MYRIP: variants seen among roughly 807,000 people sequenced by gnomAD.
The protein encoded by MYRIP is myosin VIIA and Rab interacting protein.
MYRIP carries 49 observed loss-of-function variants against 98.0 expected under a neutral mutation model. The ratio of observed to expected loss-of-function variants is 0.50; its 90% CI spans 0.40 to 0.63. The LOEUF is 0.63. Among genes scored for constraint, MYRIP ranks in the 30% least tolerant of loss-of-function variants. The pLI is 0.00. For synonymous variants in MYRIP, 404 were observed against 409.5 expected (o/e 0.99, Z 0.16); for missense variants, 1,004 against 1,058.2 (o/e 0.95, Z 0.71).
chr3:39,827,547 G>A (rs557789784), intron 1 of MYRIP, among the ~76,000 whole-genome samples: 2 of 152,090 alleles, frequency 1.3e-5, no homozygotes, highest in Non-Finnish European at 2.9e-5. Context: ...TGATTGTTTT[G>A]TATATCTTTT....
At chr3:39,977,684 T>C (rs1336004968) in intron 2 of MYRIP, among the ~76,000 whole-genome samples, 2 of 152,118 alleles carry the variant, frequency 1.3e-5, no homozygotes, top group Admixed American at 6.6e-5. Context: ...GGAGCAAATA[T>C]AGAGAGTCAA....
At chr3:40,174,635 TG>T (rs1231969921) in intron 8 of MYRIP, 7 of 152,154 alleles carry the variant, frequency 4.6e-5, no homozygotes, top group Non-Finnish European at 8.8e-5. Flanking sequence ...AGTACAGGTC[TG>T]TGGCTGATTG....
chr3:39,812,197 C>G (rs115972497), intron 1 of MYRIP, among the ~76,000 whole-genome samples: 3,048 of 152,300 alleles, frequency 0.02, 35 homozygotes, highest in Middle Eastern at 0.051. Context: ...TTACCCCTAC[C>G]TACAGGCACT....
Position 40,190,348 on chromosome 3 carries a change from C to T in MYRIP, c.1550C>T (p.Pro517Leu), listed in dbSNP as rs780527214. ...GACAGCAGCGAGCCGGAGGAGGCCC[C>T]CCACACCACAGACCGGCGGGCCAGG... Reference protein sequence around the residue: ...TSDSSEPEEAPHTTDRRARRW... With the variant: ...TSDSSEPEEALHTTDRRARRW... Residue 517 changes from proline to leucine, a missense_variant, in exon 10 of 17, where the codon CCC (proline) becomes CTC (leucine). By Grantham distance (98) the Pro-to-Leu change is moderately conservative. Coordinates refer to ENST00000302541, the MANE Select transcript of MYRIP (RefSeq NM_015460.4). The T allele has an allele frequency of 4.3e-6, 7 of 1,613,836 alleles. No individual in the cohort carries two copies. In the Admixed American group the frequency reaches 1.2e-4, roughly 27 times the overall value.
chr3:40,174,532 A>G (rs1950704759), intron 8 of MYRIP: 1 of 152,206 alleles, frequency 6.6e-6, no homozygotes, highest in Non-Finnish European at 1.5e-5. Flanking sequence ...CCCTTTGAGA[A>G]GCTGCTATTA....
At chr3:39,889,136 C>G (rs1302767166) in intron 1 of MYRIP, among the ~76,000 whole-genome samples, 1 of 152,126 alleles carries the variant, frequency 6.6e-6, no homozygotes, top group Non-Finnish European at 1.5e-5. Context: ...CCTCAGGGAT[C>G]TAGAACTAGA....
chr3:40,104,777 G>T (rs1005244158), intron 3 of MYRIP, among the ~76,000 whole-genome samples: 3 of 152,266 alleles, frequency 2.0e-5, no homozygotes, highest in Admixed American at 6.5e-5. Flanking sequence ...TATAATATTA[G>T]CTTCTAAACT....
chr3:40,185,407 C>T (rs1174501262), intron 9 of MYRIP, among the ~76,000 whole-genome samples: 3 of 152,118 alleles, frequency 2.0e-5, no homozygotes, highest in Admixed American at 1.3e-4. Context: ...TGGGATCACT[C>T]AGTGAGAGTT....
At chr3:40,211,350 G>A (rs538092846) in intron 11 of MYRIP, among the ~76,000 whole-genome samples, 50 of 152,286 alleles carry the variant, frequency 3.3e-4, no homozygotes, top group Middle Eastern at 3.4e-3. Context: ...CCCAGCAGCC[G>A]AGCTGGGGTC....
At chr3:40,039,587 G>A (rs1224577098) in intron 2 of MYRIP, among the ~76,000 whole-genome samples, 1 of 152,088 alleles carries the variant, frequency 6.6e-6, no homozygotes. Context: ...AGATCCAGGA[G>A]TGAGTGGAAA....
chr3:40,110,573 C>T (rs746317968), intron 3 of MYRIP, among the ~76,000 whole-genome samples: 4 of 152,144 alleles, frequency 2.6e-5, no homozygotes, highest in Non-Finnish European at 5.9e-5. Flanking sequence ...GAAGCCCTTG[C>T]GTACCTGGGG....
intron 9 of MYRIP, among the ~76,000 whole-genome samples, chr3:40,182,676 A>G (rs1320418446): frequency 6.6e-6 from 1 of 152,194 alleles, no homozygotes; most frequent in African/African-American, 2.4e-5. Flanking sequence ...AAGTGTGTTC[A>G]CATCACTCCA....
At chr3:40,062,434 T>G (rs567364375) in intron 3 of MYRIP, among the ~76,000 whole-genome samples, 1 of 152,298 alleles carries the variant, frequency 6.6e-6, no homozygotes, top group East Asian at 1.9e-4. Context: ...CTGAAAGCCC[T>G]ACTTATTATT....
chr3:39,938,274 T>G (rs1476631964), intron 2 of MYRIP, among the ~76,000 whole-genome samples: 1 of 152,200 alleles, frequency 6.6e-6, no homozygotes, highest in Non-Finnish European at 1.5e-5. Context: ...CTTTCGAGTC[T>G]GGTTTCCTTT....
intron 3 of MYRIP, among the ~76,000 whole-genome samples, chr3:40,104,844 T>C (rs1651697731): frequency 6.6e-6 from 1 of 152,220 alleles, no homozygotes; most frequent in African/African-American, 2.4e-5. Context: ...GTGCTTTATT[T>C]TTACATTGTT....
At chr3:40,080,278 C>T (rs2125868885) in intron 3 of MYRIP, among the ~76,000 whole-genome samples, 1 of 152,202 alleles carries the variant, frequency 6.6e-6, no homozygotes. Context: ...GGCACAAACC[C>T]AGCTTGGTTG....
At chr3:40,248,548 C>T (rs774504378) in intron 13 of MYRIP, 1 of 152,178 alleles carries the variant, frequency 6.6e-6, no homozygotes, top group Non-Finnish European at 1.5e-5. Context: ...CTTTCTTTGT[C>T]CTTTGTCCTA....
intron 3 of MYRIP, among the ~76,000 whole-genome samples, chr3:40,113,981 A>G (rs540778086): frequency 1.1e-4 from 16 of 152,146 alleles, no homozygotes; most frequent in African/African-American, 3.9e-4. Context: ...GAACCACCGC[A>G]CTCAGCCAAG....
chr3:40,127,023 A>T (rs1949538176), intron 3 of MYRIP, among the ~76,000 whole-genome samples: 2 of 152,188 alleles, frequency 1.3e-5, no homozygotes, highest in Admixed American at 6.5e-5. Flanking sequence ...ATGAGTCCCA[A>T]ATAGATGTCA....
Sources: allele counts gnomAD v4.1 joint callset (sites outside exome capture counted in the v4.1 genomes callset), GRCh38; gene constraint gnomAD v4.1.1; transcripts MANE v1.5; gene names NCBI Gene and HGNC (gene_info 2026-07-23, HGNC 2026-07-21).